The following GALNTL6 variants were observed in gnomAD, a reference collection of about 807,000 sequenced individuals.
GALNTL6 encodes the protein polypeptide N-acetylgalactosaminyltransferase-like 6.
GALNTL6 carries 46 observed loss-of-function variants against 73.7 expected under a neutral mutation model. The observed-to-expected ratio is 0.62, with a 90% CI of 0.49 to 0.80. The LOEUF is 0.80. GALNTL6 is among the 30% of genes least tolerant of loss of function. GALNTL6 has a pLI of 0.00. For missense variants in GALNTL6, 604 were observed against 755.0 expected, an observed-to-expected ratio of 0.80 and a Z score of 2.34; for synonymous variants, 259 against 263.7, an observed-to-expected ratio of 0.98 and a Z score of 0.17.
At chr4:172,603,223 A>G (rs1738134923) in intron 5 of GALNTL6, among the ~76,000 whole-genome samples, 1 of 152,222 alleles carries the variant, frequency 6.6e-6, no homozygotes, top group African/African-American at 2.4e-5. Flanking sequence ...AATTATACTT[A>G]AATAGAGTTG....
chr4:172,260,803 T>A (rs1411359762), intron 3 of GALNTL6, among the ~76,000 whole-genome samples: 2 of 151,568 alleles, frequency 1.3e-5, no homozygotes, highest in African/African-American at 4.8e-5. Context: ...GCCAAAGGTT[T>A]TAATCATAAA....
In GALNTL6 at chr4:172,952,271, TGCCTGAAACCTGC is replaced by T; in HGVS notation, c.1371+18_1371+30del. ...TGCCTGGGGGGAGGTGAGGAAAGGT[TGCCTGAAACCTGC>T]GCCTACCTATGAGACTGTGTGCCTC... On this transcript the variant is annotated intron_variant, in intron 10 of 12. Coordinates refer to ENST00000506823, the MANE Select transcript of GALNTL6 (RefSeq NM_001034845.3). 6.2e-7 allele frequency: 1 copy of T among 1,604,698 alleles called. No homozygotes were observed. Among genetic ancestry groups the T allele is most frequent in the Non-Finnish European group, 8.5e-7 (1 of 1,172,102 alleles).
At chr4:172,663,013 T>G (rs1391487463) in intron 5 of GALNTL6, among the ~76,000 whole-genome samples, 1 of 152,046 alleles carries the variant, frequency 6.6e-6, no homozygotes, top group South Asian at 2.1e-4. Flanking sequence ...AGAAGTACAA[T>G]GGCCCGGAGA....
intron 2 of GALNTL6, among the ~76,000 whole-genome samples, chr4:171,920,304 A>C (rs910469731): frequency 5.3e-5 from 8 of 152,108 alleles, no homozygotes; most frequent in Non-Finnish European, 1.2e-4. Flanking sequence ...GGGTGCAAGC[A>C]CACCAACGTG....
At chr4:172,422,578 T>A (rs1186194348) in intron 5 of GALNTL6, among the ~76,000 whole-genome samples, 4 of 151,954 alleles carry the variant, frequency 2.6e-5, no homozygotes, top group Non-Finnish European at 4.4e-5. Flanking sequence ...AGTCCCTTGG[T>A]GATATGTAGT....
chr4:172,613,388 C>T lies in GALNTL6; in HGVS notation c.554-195973C>T, dbSNP rs190589249. Among the ~76,000 whole-genome samples, 38 of 151,916 alleles carry T rather than the reference C, an allele frequency of 2.5e-4. No homozygotes were observed. The East Asian group carries it at 5.8e-3, about 23-fold the overall frequency. On this transcript the variant is annotated intron_variant, in intron 5 of 12. Coordinates refer to ENST00000506823, the MANE Select transcript of GALNTL6 (RefSeq NM_001034845.3). ...AGAGTAAGGGAGAGGGAGGTCTTATCGGAAAGAACTGCAAGTTCAAATACT... is the reference window on the plus strand; with the variant it reads ...AGAGTAAGGGAGAGGGAGGTCTTATTGGAAAGAACTGCAAGTTCAAATACT...
At chr4:172,429,225 T>TTTATTTTA (rs1311610813) in intron 5 of GALNTL6, among the ~76,000 whole-genome samples, 29 of 151,168 alleles carry the variant, frequency 1.9e-4, no homozygotes, top group Admixed American at 3.3e-4. Context: ...TTTATTTTAT[T>TTTATTTTA]TTTTGAGACT....
intron 5 of GALNTL6, among the ~76,000 whole-genome samples, chr4:172,480,222 C>T (rs142772589): frequency 1.3e-5 from 2 of 151,758 alleles, no homozygotes; most frequent in Admixed American, 6.6e-5. Flanking sequence ...CAGGAGGATC[C>T]GGATTACTTC....
At chr4:172,261,819 A>C (rs77165280) in intron 3 of GALNTL6, among the ~76,000 whole-genome samples, 3,487 of 151,436 alleles carry the variant, frequency 0.023, 120 homozygotes, top group African/African-American at 0.079. Flanking sequence ...TTCAGTTCAA[A>C]TAATTTTTAA....
intron 2 of GALNTL6, among the ~76,000 whole-genome samples, chr4:171,938,420 C>T (rs762762433): frequency 6.6e-6 from 1 of 152,056 alleles, no homozygotes; most frequent in African/African-American, 2.4e-5. Context: ...CTGTGCAATG[C>T]CCCAACACCC....
chr4:172,280,987 C>G (rs1455049022), intron 3 of GALNTL6, among the ~76,000 whole-genome samples: 1 of 150,084 alleles, frequency 6.7e-6, no homozygotes, highest in Non-Finnish European at 1.5e-5. Context: ...GGTGAAACCC[C>G]ATCTCTACTA....
intron 5 of GALNTL6, among the ~76,000 whole-genome samples, chr4:172,657,977 C>A (rs1181375151): frequency 8.5e-5 from 12 of 140,808 alleles, no homozygotes; most frequent in South Asian, 4.7e-4. Context: ...GGTGAAACCC[C>A]GTCTCTACTA....
chr4:172,139,990 T>C (rs1238031949), intron 2 of GALNTL6, among the ~76,000 whole-genome samples: 3 of 130,432 alleles, frequency 2.3e-5, no homozygotes, highest in Non-Finnish European at 4.9e-5. Context: ...ATTAACATTG[T>C]TTAAATAGTC....
intron 4 of GALNTL6, among the ~76,000 whole-genome samples, chr4:172,346,254 G>A (rs1174827428): frequency 1.3e-5 from 2 of 152,242 alleles, no homozygotes; most frequent in Non-Finnish European, 2.9e-5. Flanking sequence ...TATGATATAT[G>A]AAAGCTACGT....
intron 12 of GALNTL6, 115 bp downstream of exon 12, chr4:173,021,740 T>C (rs1450837276): frequency 9.3e-7 from 1 of 1,069,908 alleles, no homozygotes; most frequent in African/African-American, 1.6e-5. Flanking sequence ...ACACCTGTAA[T>C]CCTGGCACTC....
chr4:172,981,946 G>A (rs182981582), intron 10 of GALNTL6, among the ~76,000 whole-genome samples: 152 of 151,846 alleles, frequency 1.0e-3, no homozygotes, highest in African/African-American at 3.4e-3. Flanking sequence ...ACAGGCATGC[G>A]CCACCACCCT....
intron 2 of GALNTL6, among the ~76,000 whole-genome samples, chr4:171,985,798 G>T (rs1272834394): frequency 6.6e-6 from 1 of 151,366 alleles, no homozygotes; most frequent in Non-Finnish European, 1.5e-5. Context: ...CACTTCTGTT[G>T]GGAGGCCGAG....
intron 2 of GALNTL6, among the ~76,000 whole-genome samples, chr4:171,971,805 C>T (rs1241194129): frequency 2.0e-5 from 3 of 152,052 alleles, no homozygotes; most frequent in Admixed American, 2.0e-4. Flanking sequence ...ACTTAGCTAG[C>T]TGCCTTAAAT....
chr4:171,859,726 C>T (rs539648302), intron 2 of GALNTL6, among the ~76,000 whole-genome samples: 21 of 152,264 alleles, frequency 1.4e-4, no homozygotes, highest in East Asian at 5.8e-4. Context: ...ATCAGTAAAG[C>T]TTACCTGAGC....
Sources: gnomAD v4.1 joint callset for allele counts (sites outside exome capture counted in the v4.1 genomes callset) on GRCh38, gnomAD v4.1.1 for gene constraint, MANE v1.5 for transcripts, NCBI Gene and HGNC (gene_info 2026-07-23, HGNC 2026-07-21) for gene names.